Variants in CRISP2 observed in about 807,000 individuals in gnomAD.
The protein encoded by CRISP2 is cysteine-rich secretory protein 2.
In CRISP2, 29 loss-of-function variants were observed where a neutral mutation model predicts 31.7. That is an observed-to-expected ratio of 0.92 (90% CI 0.68 to 1.25). The LOEUF (loss-of-function observed/expected upper bound fraction) is 1.25. Among genes scored for constraint, CRISP2 ranks in the 50% most tolerant of loss-of-function variants. CRISP2 has a pLI of 0.00. For missense variants in CRISP2, 318 were observed against 286.5 expected, an observed-to-expected ratio of 1.11 and a Z score of -0.79; for synonymous variants, 111 against 101.4, an observed-to-expected ratio of 1.09 and a Z score of -0.57.
chr6:49,697,393 T>C (rs995230930), intron 8 of CRISP2, among the ~76,000 whole-genome samples: 30 of 100,962 alleles, frequency 3.0e-4, no homozygotes, highest in Admixed American at 1.7e-3. Context: ...TTTGTAATGG[T>C]AATTGTGTGT....
the CRISP2 span, among the ~76,000 whole-genome samples, chr6:49,685,612 T>TA: frequency 6.6e-6 from 1 of 152,226 alleles, no homozygotes; most frequent in South Asian, 2.1e-4. Context: ...GTAACATATA[T>TA]AGTCAGTTTC....
chr6:49,703,802 G>C (rs1416279743), intron 4 of CRISP2, among the ~76,000 whole-genome samples: 1 of 152,094 alleles, frequency 6.6e-6, no homozygotes, highest in East Asian at 1.9e-4. Context: ...TCTTGATCTT[G>C]ACTTCAGATA....
chr6:49,706,035 C>G (rs1766958101), intron 4 of CRISP2, among the ~76,000 whole-genome samples: 1 of 152,348 alleles, frequency 6.6e-6, no homozygotes, highest in Admixed American at 6.5e-5. Flanking sequence ...GTGGCAACTG[C>G]AAGTTAGTCC....
rs1290016937 is a variant in CRISP2 at position 49,692,827 on chromosome 6, C to T, written c.678G>A (p.Glu226=). ...SLKNTAGCEH[E]LLKEKCKATC... ...TAGCCTTGCACTTTTCCTTGAGTAA[C>T]TCATGTTCACAGCCAGCTGTATTCT... Residue 226 remains glutamate (E), a synonymous_variant, in exon 10 of 10, where the codon GAG becomes GAA. Transcript: ENST00000339139. 8 of 1,613,798 alleles carry T rather than the reference C, an allele frequency of 5.0e-6. No individual in the cohort carries two copies. The highest frequency in any genetic ancestry group is 6.8e-6 in the Non-Finnish European group (8 of 1,179,754).
chr6:49,687,039 C>T, the CRISP2 span, among the ~76,000 whole-genome samples: 2 of 151,638 alleles, frequency 1.3e-5, no homozygotes, highest in African/African-American at 4.9e-5. Flanking sequence ...ACATCACACA[C>T]CAGGGATGGT....
downstream of CRISP2, among the ~76,000 whole-genome samples, chr6:49,690,354 T>C (rs573758552): frequency 2.1e-3 from 319 of 152,162 alleles, 1 homozygote; most frequent in Non-Finnish European, 3.5e-3. Flanking sequence ...TCCTGTGTGA[T>C]CCAAGAGGAA....
Position 49,698,374 on chromosome 6 carries a change from T to A in CRISP2, c.405A>T (p.Gly135=). Residue 135 remains glycine (G), a synonymous_variant, in exon 7 of 10, where the codon GGA becomes GGT. Coordinates refer to ENST00000339139, the MANE Select transcript of CRISP2 (RefSeq NM_003296.4). The part of the protein sequence containing the change: ...VGPKSPNAVV[G]HYTQLVWYST... ...GCATTCTTCTTACCTGAGTATAATG[T>A]CCAACAACTGCATTGGGACTCTTTG... The A allele has an allele frequency of 1.2e-6, 2 of 1,613,184 alleles. No individual in the cohort carries two copies. Among genetic ancestry groups the A allele is most frequent in the Non-Finnish European group, 1.7e-6 (2 of 1,179,568 alleles).
intron 4 of CRISP2, among the ~76,000 whole-genome samples, chr6:49,701,675 T>C (rs192531703): frequency 1.4e-4 from 17 of 125,496 alleles, no homozygotes; most frequent in African/African-American, 4.9e-4. Context: ...ATACATTATA[T>C]ATGTATACAT....
chr6:49,700,028 G>C, intron 5 of CRISP2, 137 bp from the exon 6 acceptor site: 1 of 782,748 alleles, frequency 1.3e-6, no homozygotes, highest in Non-Finnish European at 2.0e-6. Flanking sequence ...ATGTTTTTAA[G>C]TGTTTTTATC....
At chr6:49,693,261 G>A (rs1235030951) in intron 9 of CRISP2, among the ~76,000 whole-genome samples, 1 of 152,092 alleles carries the variant, frequency 6.6e-6, no homozygotes, top group Non-Finnish European at 1.5e-5. Context: ...TGCCTGCACA[G>A]CCAAATATGG....
At chr6:49,688,228 A>G (rs1371680376), downstream of CRISP2, among the ~76,000 whole-genome samples, 1 of 152,188 alleles carries the variant, frequency 6.6e-6, no homozygotes, top group African/African-American at 2.4e-5. Context: ...AGTGACATGC[A>G]TATTTACAGT....
chr6:49,683,415 C>T, the CRISP2 span, among the ~76,000 whole-genome samples: 5 of 151,008 alleles, frequency 3.3e-5, no homozygotes, highest in African/African-American at 1.2e-4. Context: ...TGGCTCATGC[C>T]TGTAATCCCA....
At chr6:49,683,694 A>AATATATAT in the CRISP2 span, among the ~76,000 whole-genome samples, 272 of 6,156 alleles carry the variant, frequency 0.044, 20 homozygotes, top group East Asian at 0.22. Context: ...AAAAAAAAAA[A>AATATATAT]ATATATATAT....
At chr6:49,698,206 G>T (rs961699857) in intron 7 of CRISP2, among the ~76,000 whole-genome samples, 156 bp downstream of exon 7, 1 of 152,086 alleles carries the variant, frequency 6.6e-6, no homozygotes, top group African/African-American at 2.4e-5. Flanking sequence ...GCTGACCATG[G>T]ACAAAAATGA....
At chr6:49,691,178 C>T (rs1764040727), downstream of CRISP2, among the ~76,000 whole-genome samples, 1 of 152,034 alleles carries the variant, frequency 6.6e-6, no homozygotes, top group East Asian at 1.9e-4. Flanking sequence ...TAACGGAGTG[C>T]TTCATATGAG....
intron 4 of CRISP2, among the ~76,000 whole-genome samples, chr6:49,706,197 G>A (rs963640053): frequency 6.6e-6 from 1 of 152,188 alleles, no homozygotes; most frequent in Admixed American, 6.5e-5. Flanking sequence ...GTAGGGTAAA[G>A]CTGGAGCCCA....
At chr6:49,682,611 CTTTCTTTCTTTCT>C in the CRISP2 span, among the ~76,000 whole-genome samples, 1 of 67,224 alleles carries the variant, frequency 1.5e-5, no homozygotes, top group Admixed American at 1.7e-4. Flanking sequence ...TTCTTTCTTT[CTTTCTTTCTTTCT>C]TTCTTTCTTT....
At chr6:49,676,997 T>C in the CRISP2 span, among the ~76,000 whole-genome samples, 45,001 of 151,938 alleles carry the variant, frequency 0.3, 6,888 homozygotes, top group East Asian at 0.41. Flanking sequence ...CAAAAAGTCT[T>C]GTGACAAGGG....
At chr6:49,676,941 A>G in the CRISP2 span, among the ~76,000 whole-genome samples, 1 of 152,146 alleles carries the variant, frequency 6.6e-6, no homozygotes, top group Admixed American at 6.6e-5. Flanking sequence ...AGCAAAGATT[A>G]TCATCTCACA....
Sources: allele counts gnomAD v4.1 joint callset (sites outside exome capture counted in the v4.1 genomes callset), GRCh38; gene constraint gnomAD v4.1.1; transcripts MANE v1.5; gene names NCBI Gene and HGNC (gene_info 2026-07-23, HGNC 2026-07-21).